Variants in RAB8B observed in about 807,000 individuals in gnomAD.
RAB8B encodes ras-related protein Rab-8B.
A neutral mutation model predicts 32.0 loss-of-function variants in RAB8B; 11 were observed. The ratio of observed to expected loss-of-function variants is 0.34; its 90% CI spans 0.22 to 0.57. The LOEUF is 0.57. Ranked by LOEUF, RAB8B falls within the 20% of genes least tolerant of loss-of-function variation. The pLI is 0.86. For missense variants in RAB8B, 190 were observed against 258.5 expected (o/e 0.73, Z 1.82); for synonymous variants, 103 against 89.6 (o/e 1.15, Z -0.85).
intron 1 of RAB8B, among the ~76,000 whole-genome samples, chr15:63,219,845 T>G (rs1200374537): frequency 2.0e-5 from 3 of 152,224 alleles, no homozygotes; most frequent in Non-Finnish European, 2.9e-5. Flanking sequence ...GCTGTGTTTT[T>G]GAGAGGGTCT....
intron 1 of RAB8B, among the ~76,000 whole-genome samples, chr15:63,244,304 A>T (rs960286463): frequency 2.0e-5 from 3 of 152,058 alleles, no homozygotes; most frequent in African/African-American, 7.2e-5. Context: ...AAATAGGCAA[A>T]TTTTTTTTCC....
rs1261527092 is a variant in RAB8B at position 63,189,654 on chromosome 15, G to A, written c.30G>A (p.Lys10=). The A allele has an allele frequency of 1.2e-6, 2 of 1,614,008 alleles. No homozygotes were observed. The highest frequency in any genetic ancestry group is 1.7e-6 in the Non-Finnish European group (2 of 1,179,930). Residue 10 remains lysine (K), a synonymous_variant, in exon 1 of 8, where the codon AAG becomes AAA. Transcript: ENST00000321437. MAKTYDYLF[K]LLLIGDSGVG... ...CGAAGACGTACGATTATCTCTTCAA[G>A]CTCCTGCTGATCGGCGACTCGGGGG...
intron 5 of RAB8B, among the ~76,000 whole-genome samples, chr15:63,257,425 C>T (rs1353823596): frequency 6.6e-6 from 1 of 151,982 alleles, no homozygotes; most frequent in Non-Finnish European, 1.5e-5. Flanking sequence ...CACACATATA[C>T]CCGGCTAATT....
chr15:63,223,308 C>A (rs528758274), intron 1 of RAB8B, among the ~76,000 whole-genome samples: 8 of 152,200 alleles, frequency 5.3e-5, no homozygotes, highest in African/African-American at 1.4e-4. Flanking sequence ...GACGGGGTTT[C>A]ACTGTATTGG....
intron 1 of RAB8B, 60 bp downstream of exon 1, chr15:63,189,808 C>A: frequency 1.7e-6 from 1 of 589,100 alleles, no homozygotes; most frequent in Non-Finnish European, 2.1e-6. Flanking sequence ...TACTAGGGGA[C>A]GGGGAAAGGG....
intron 1 of RAB8B, among the ~76,000 whole-genome samples, chr15:63,219,117 G>A (rs565971907): frequency 2.1e-5 from 3 of 143,472 alleles, no homozygotes; most frequent in Non-Finnish European, 3.0e-5. Context: ...TGGCCAACAC[G>A]GTGAAACCCC....
chr15:63,215,542 T>A (rs2037785037), intron 1 of RAB8B, among the ~76,000 whole-genome samples: 1 of 152,226 alleles, frequency 6.6e-6, no homozygotes, highest in Non-Finnish European at 1.5e-5. Context: ...TACTTGTAAA[T>A]GGACTATCAA....
intron 1 of RAB8B, among the ~76,000 whole-genome samples, chr15:63,196,154 T>C (rs1314543558): frequency 6.6e-6 from 1 of 152,144 alleles, no homozygotes. Context: ...TATGGGCAAT[T>C]AATAAAAACA....
At chr15:63,193,538 G>A (rs912861609) in intron 1 of RAB8B, among the ~76,000 whole-genome samples, 5 of 152,138 alleles carry the variant, frequency 3.3e-5, no homozygotes, top group Admixed American at 6.5e-5. Flanking sequence ...TTGGCCAAGC[G>A]CAGTGGCTCA....
chr15:63,260,857 A>G (rs2038198157), intron 6 of RAB8B, among the ~76,000 whole-genome samples: 1 of 152,176 alleles, frequency 6.6e-6, no homozygotes, highest in South Asian at 2.1e-4. Context: ...TAGGTTACTC[A>G]TTGTTCATCA....
At chr15:63,262,328 G>A (rs976053424) in intron 6 of RAB8B, among the ~76,000 whole-genome samples, 2 of 152,088 alleles carry the variant, frequency 1.3e-5, no homozygotes, top group African/African-American at 4.8e-5. Context: ...ATGAATGAAT[G>A]ATAGTTTGAT....
chr15:63,236,236 A>G (rs772241376), intron 1 of RAB8B, among the ~76,000 whole-genome samples: 1 of 152,172 alleles, frequency 6.6e-6, no homozygotes, highest in Non-Finnish European at 1.5e-5. Context: ...GGAAAGCAAA[A>G]TCTGTTAGAG....
At chr15:63,197,119 A>C (rs890217510) in intron 1 of RAB8B, among the ~76,000 whole-genome samples, 1 of 152,076 alleles carries the variant, frequency 6.6e-6, no homozygotes, top group African/African-American at 2.4e-5. Context: ...TTAGACCTGG[A>C]CTGAGCGTTT....
intron 1 of RAB8B, among the ~76,000 whole-genome samples, chr15:63,223,668 A>G (rs1418182599): frequency 1.3e-5 from 2 of 152,198 alleles, no homozygotes; most frequent in African/African-American, 4.8e-5. Flanking sequence ...TAAGTGACAC[A>G]TGACTATACT....
At position 63,250,719 on chromosome 15, in the gene RAB8B, C is replaced by T. The variant is rs80289235; in HGVS notation, c.246+1014C>T. On this transcript the variant is annotated intron_variant, in intron 3 of 7. Coordinates refer to ENST00000321437, the MANE Select transcript of RAB8B (RefSeq NM_016530.3). ...TGCCAGGCCCAGACCACGGCTTTAT[C>T]GCTGGTGTTTAGGCCTAAGCCAAGC... Among the ~76,000 whole-genome samples, 804 of 151,010 alleles carry T rather than the reference C, an allele frequency of 5.3e-3. 7 individuals are homozygous for T. The highest frequency in any genetic ancestry group is 0.018 in the African/African-American group (744 of 41,038).
intron 5 of RAB8B, among the ~76,000 whole-genome samples, chr15:63,257,588 CTG>C (rs1184299672): frequency 6.6e-6 from 1 of 152,022 alleles, no homozygotes; most frequent in Non-Finnish European, 1.5e-5. Flanking sequence ...TTCAATCTGA[CTG>C]TGAACTTTTG....
chr15:63,204,480 CAA>C (rs2037680944), intron 1 of RAB8B, among the ~76,000 whole-genome samples: 1 of 152,156 alleles, frequency 6.6e-6, no homozygotes, highest in African/African-American at 2.4e-5. Context: ...CTAGAAGGGA[CAA>C]ATGTTTCCAT....
chr15:63,215,222 T>C (rs979250627), intron 1 of RAB8B, among the ~76,000 whole-genome samples: 1 of 152,230 alleles, frequency 6.6e-6, no homozygotes, highest in Non-Finnish European at 1.5e-5. Flanking sequence ...CATAGTCTCA[T>C]CGTGAAATGT....
intron 1 of RAB8B, 43 bp downstream of exon 1, chr15:63,189,791 G>T: frequency 7.4e-7 from 1 of 1,357,822 alleles, no homozygotes; most frequent in Non-Finnish European, 9.9e-7. Flanking sequence ...GAGAATTGGG[G>T]GGCGGGTACT....
Sources: allele counts gnomAD v4.1 joint callset (sites outside exome capture counted in the v4.1 genomes callset), GRCh38; gene constraint gnomAD v4.1.1; transcripts MANE v1.5; gene names NCBI Gene and HGNC (gene_info 2026-07-23, HGNC 2026-07-21).